Variants in RRAGC observed in about 807,000 individuals in gnomAD.
RRAGC encodes the protein ras-related GTP-binding protein C.
Under a neutral mutation model 37.1 loss-of-function variants are expected in RRAGC, and 8 were observed. The ratio of observed to expected loss-of-function variants is 0.22; its 90% CI spans 0.13 to 0.39. RRAGC has a LOEUF of 0.39. Among genes scored for constraint, RRAGC ranks in the 10% least tolerant of loss-of-function variants. The pLI is 1.00. For missense variants in RRAGC, 342 were observed against 497.6 expected, an observed-to-expected ratio of 0.69 and a Z score of 2.98; for synonymous variants, 190 against 181.1, an observed-to-expected ratio of 1.05 and a Z score of -0.39.
chr1:38,844,230 C>T (rs997691467), intron 6 of RRAGC, among the ~76,000 whole-genome samples: 3 of 151,948 alleles, frequency 2.0e-5, no homozygotes, highest in Non-Finnish European at 2.9e-5. Context: ...TACTCATCAA[C>T]CAATGATTGA....
intron 5 of RRAGC, among the ~76,000 whole-genome samples, chr1:38,849,441 C>T (rs1642068830): frequency 6.6e-5 from 10 of 152,208 alleles, no homozygotes; most frequent in Admixed American, 6.5e-4. Context: ...GTAATCCCAG[C>T]ACTTTGAGAG....
At chr1:38,852,792 C>T (rs1642115749) in intron 3 of RRAGC, 1 of 168,340 alleles carries the variant, frequency 5.9e-6, no homozygotes, top group Non-Finnish European at 1.3e-5. Context: ...TTTTTAAGCA[C>T]ATAACTGAGA....
At chr1:38,851,102 C>T (rs1412005683) in intron 5 of RRAGC, among the ~76,000 whole-genome samples, 1 of 152,184 alleles carries the variant, frequency 6.6e-6, no homozygotes, top group Non-Finnish European at 1.5e-5. Context: ...AAAGGAGGAG[C>T]TCAAATTTTA....
intron 1 of RRAGC, among the ~76,000 whole-genome samples, chr1:38,858,613 A>G (rs9439075): frequency 0.95 from 145,139 of 152,308 alleles, 69,398 homozygotes; most frequent in African/African-American, 0.99. Context: ...CGGGAGAATT[A>G]CTTGAACCAG....
chr1:38,839,561 C>T lies in RRAGC; in HGVS notation c.1192G>A (p.Ala398Thr), dbSNP rs780315074. The T allele has an allele frequency of 1.1e-5, 18 of 1,613,854 alleles. No homozygotes were observed. Among genetic ancestry groups the T allele is most frequent in the Non-Finnish European group, 1.4e-5 (17 of 1,179,992 alleles). Residue 398 changes from alanine (A) to threonine (T), a missense_variant, in exon 7 of 7, where the codon GCC becomes ACC. By Grantham distance (58) the Ala-to-Thr change is moderately conservative. Around this residue, in one of 3 missense-constraint regions of RRAGC, gnomAD observed 104 missense variants for 127.0 expected, o/e 0.82. Coordinates refer to ENST00000373001, the MANE Select transcript of RRAGC (RefSeq NM_022157.4). ...CGACGCTGGGATTCAGACTAGATGG[C>T]GTTTCGTGGCGTGCCATTGTGTGTC... ...ALTHNGTPRN[A>T]I
chr1:38,839,699 T>C lies in RRAGC; in HGVS notation c.1054A>G (p.Ile352Val). 1 of 1,614,022 alleles carries C rather than the reference T, an allele frequency of 6.2e-7. No homozygotes were observed. Among genetic ancestry groups the C allele is most frequent in the Non-Finnish European group, 8.5e-7 (1 of 1,179,946 alleles). ...CGGAAACAGTGGAAGTTGTAGTCTATTAAACCTGCAGGAAGGAAAAAGAAA... is the reference window on the plus strand; with the variant it reads ...CGGAAACAGTGGAAGTTGTAGTCTACTAAACCTGCAGGAAGGAAAAAGAAA... ...REESFERKGLIDYNFHCFRKA... is the reference protein window; with the variant it reads ...REESFERKGLVDYNFHCFRKA... Residue 352 changes from isoleucine (I) to valine (V), a missense_variant, in exon 7 of 7, where the codon ATA becomes GTA. Around this residue, in one of 3 missense-constraint regions of RRAGC, gnomAD observed 104 missense variants for 127.0 expected, o/e 0.82. Coordinates refer to ENST00000373001, the MANE Select transcript of RRAGC (RefSeq NM_022157.4).
chr1:38,840,918 ACAAT>A lies in RRAGC; in HGVS notation c.1049-1218_1049-1215del, dbSNP rs141802431. On this transcript the variant is annotated intron_variant, in intron 6 of 6. Transcript: ENST00000373001. ...TTCTGTGCCAAATGTAAAATAAAAG[ACAAT>A]CAAGGAAATTTGAACACTGGCCAGA... Among the ~76,000 whole-genome samples, 757 of 152,346 alleles carry A rather than the reference ACAAT, an allele frequency of 5.0e-3. 5 individuals are homozygous for A. The highest frequency in any genetic ancestry group is 0.017 in the African/African-American group (712 of 41,570).
chr1:38,839,917 C>T (rs879331245), intron 6 of RRAGC, among the ~76,000 whole-genome samples: 18 of 151,914 alleles, frequency 1.2e-4, no homozygotes, highest in South Asian at 1.0e-3. Flanking sequence ...GAGGCCGAGG[C>T]GGGCAGATCA....
At chr1:38,840,604 G>A (rs905308314) in intron 6 of RRAGC, among the ~76,000 whole-genome samples, 9 of 152,160 alleles carry the variant, frequency 5.9e-5, no homozygotes, top group Non-Finnish European at 1.2e-4. Context: ...AAACTTCAGG[G>A]ACAAGAAAGA....
chr1:38,841,368 ATTTT>A (rs370794807), intron 6 of RRAGC, among the ~76,000 whole-genome samples: 1 of 147,072 alleles, frequency 6.8e-6, no homozygotes, highest in Non-Finnish European at 1.5e-5. Flanking sequence ...ATAAACAAAA[ATTTT>A]TTTTTTTTTT....
At chr1:38,853,073 G>T (rs1000452089) in intron 3 of RRAGC, among the ~76,000 whole-genome samples, 1 of 152,250 alleles carries the variant, frequency 6.6e-6, no homozygotes, top group African/African-American at 2.4e-5. Context: ...AGGGGAAAGA[G>T]ACTTTGTCAG....
intron 2 of RRAGC, chr1:38,856,676 A>G (rs747743091): frequency 1.2e-5 from 6 of 501,572 alleles, no homozygotes; most frequent in African/African-American, 5.8e-5. Context: ...GATGTAAACC[A>G]TATCTCCTAA....
chr1:38,859,480 C>G lies in RRAGC; in HGVS notation c.167G>C (p.Gly56Ala), dbSNP rs926352152. Residue 56 changes from glycine to alanine, a missense_variant, in exon 1 of 7, where the codon GGC becomes GCC. This residue lies in a region of RRAGC where 104 missense variants were observed against 93.4 expected (regional missense o/e 1.11). Transcript: ENST00000373001. The part of the protein sequence containing the change: ...AGAGGGCGPG[G>A]ADSSKPRILL... ...AATCCTCGGCTTGGAGCTGTCAGCG[C>G]CCCCCGGACCACAGCCACCGCCTGC... 3.2e-6 allele frequency: 5 copies of G among 1,547,662 alleles called. No homozygotes were observed. Among genetic ancestry groups the G allele is most frequent in the Admixed American group, 2.0e-5 (1 of 50,956 alleles).
At position 38,846,721 on chromosome 1, in the gene RRAGC, A is replaced by G. The variant is rs530924244; in HGVS notation, c.900-634T>C. The G allele has an allele frequency of 5.3e-5, 8 of 152,330 alleles. No individual in the cohort carries two copies. In the South Asian group the frequency reaches 1.5e-3, roughly 28 times the overall value. 9.4% of individuals were successfully genotyped at this position (152,330 alleles called of 1,614,324 possible). On this transcript the variant is annotated intron_variant, in intron 5 of 6. Transcript: ENST00000373001. ...GCCTATAAAAATCTAAAGGTTATCT[A>G]GCTATTGTTACGAATTAAGAGTTAT...
chr1:38,845,918 A>G (rs954570368), intron 6 of RRAGC, 21 bp downstream of exon 6: 8 of 1,579,452 alleles, frequency 5.1e-6, no homozygotes, highest in Non-Finnish European at 6.9e-6. Context: ...ACATAAAAAC[A>G]GCTTTTTAAA....
intron 6 of RRAGC, among the ~76,000 whole-genome samples, chr1:38,840,973 A>G (rs76399673): frequency 0.054 from 8,203 of 152,296 alleles, 267 homozygotes; most frequent in Non-Finnish European, 0.064. Flanking sequence ...AGTCACTGTT[A>G]ATTTTGTTGT....
intron 6 of RRAGC, among the ~76,000 whole-genome samples, chr1:38,845,655 G>C (rs1642019496): frequency 6.6e-6 from 1 of 152,168 alleles, no homozygotes; most frequent in South Asian, 2.1e-4. Context: ...AGTTTCAGTA[G>C]ACTTGTTCAG....
chr1:38,844,361 GAGA>G (rs1336884205), intron 6 of RRAGC, among the ~76,000 whole-genome samples: 1 of 150,416 alleles, frequency 6.6e-6, no homozygotes, highest in African/African-American at 2.4e-5. Context: ...CAATCACATA[GAGA>G]AGATTAACTG....
At chr1:38,859,040 C>T (rs1335860473) in intron 1 of RRAGC, among the ~76,000 whole-genome samples, 1 of 152,226 alleles carries the variant, frequency 6.6e-6, no homozygotes, top group Non-Finnish European at 1.5e-5. Flanking sequence ...GAAGTGAGAA[C>T]AAATCAAAAC....
Sources: gnomAD v4.1 joint callset for allele counts (sites outside exome capture counted in the v4.1 genomes callset) on GRCh38, gnomAD v4.1.1 for gene constraint, gnomAD v4.1.1 regional missense constraint, MANE v1.5 for transcripts, NCBI Gene and HGNC (gene_info 2026-07-23, HGNC 2026-07-21) for gene names.